The following ZNF540 variants were observed in gnomAD, a reference collection of about 807,000 sequenced individuals.
The protein encoded by ZNF540 is zinc finger protein 540.
A neutral mutation model predicts 11.8 loss-of-function variants in ZNF540; 3 were observed. The ratio of observed to expected loss-of-function variants is 0.25; its 90% CI spans 0.12 to 0.65. The LOEUF is 0.65. Ranked by LOEUF, ZNF540 falls within the 30% of genes least tolerant of loss-of-function variation. The pLI, the probability that ZNF540 is intolerant of heterozygous loss-of-function variation, is 0.83. For missense variants in ZNF540, 709 were observed against 793.1 expected (o/e 0.89, Z 1.27); for synonymous variants, 247 against 259.0 (o/e 0.95, Z 0.45).
chr19:37,582,024 C>T (rs2043487102), intron 1 of ZNF540, among the ~76,000 whole-genome samples: 1 of 152,106 alleles, frequency 6.6e-6, no homozygotes, highest in Non-Finnish European at 1.5e-5. Flanking sequence ...CATATATAAA[C>T]TCTAATCACA....
chr19:37,568,745 T>G (rs1194119688), intron 1 of ZNF540, among the ~76,000 whole-genome samples: 1 of 152,092 alleles, frequency 6.6e-6, no homozygotes, highest in Non-Finnish European at 1.5e-5. Context: ...TTATTGTCAT[T>G]AAATTAATGA....
upstream of ZNF540, among the ~76,000 whole-genome samples, chr19:37,592,478 A>G (rs542160991): frequency 1.3e-5 from 2 of 152,322 alleles, no homozygotes; most frequent in Admixed American, 6.5e-5. Context: ...TGTAATACCT[A>G]TGAGTTTTTG....
chr19:37,593,751 G>T (rs1195866720), upstream of ZNF540, among the ~76,000 whole-genome samples: 3 of 152,040 alleles, frequency 2.0e-5, no homozygotes, highest in African/African-American at 7.2e-5. Context: ...AAGGACTGCT[G>T]TATCATTGGG....
Position 37,613,943 on chromosome 19 carries a change from C to G in ZNF540, c.*680C>G. ...GCCTTTATAAGAAGAAGCCAAAGAGCCAGCTAGCTCTTTCAACCACATGAG... is the reference window on the plus strand; with the variant it reads ...GCCTTTATAAGAAGAAGCCAAAGAGGCAGCTAGCTCTTTCAACCACATGAG... On this transcript the variant is annotated 3_prime_UTR_variant, in exon 5 of 5. Transcript: ENST00000316433. 5.0e-6 allele frequency: 2 copies of G among 398,256 alleles called. No individual in the cohort carries two copies. The highest frequency in any genetic ancestry group is 8.9e-6 in the Non-Finnish European group (2 of 225,924). The allele number at this position is 398,256 out of a possible 1,614,324, so 24.7% of individuals were successfully genotyped here. A position where few individuals can be genotyped will look rare whatever the true frequency, so the allele number is the denominator to read the frequency against.
intron 1 of ZNF540, chr19:37,554,678 A>T (rs2042641233): frequency 6.6e-6 from 1 of 152,102 alleles, no homozygotes; most frequent in African/African-American, 2.4e-5. Flanking sequence ...CGCTTCTCAG[A>T]CTCACATTTA....
intron 4 of ZNF540, among the ~76,000 whole-genome samples, chr19:37,604,143 T>A (rs993763991): frequency 2.6e-5 from 4 of 152,006 alleles, no homozygotes; most frequent in Non-Finnish European, 4.4e-5. Flanking sequence ...TTTGCAAGGA[T>A]AGGTGTTTCA....
At position 37,613,097 on chromosome 19, in the gene ZNF540, C is replaced by T; in HGVS notation, c.1817C>T (p.Pro606Leu). ...CAAAGAATTCATACTGGTGAGAAACCCTATGAGTGTAAACAATGTGGGAAG... is the reference window on the plus strand; with the variant it reads ...CAAAGAATTCATACTGGTGAGAAACTCTATGAGTGTAAACAATGTGGGAAG... ...IHQRIHTGEK[P>L]YECKQCGKAF... The change falls in exon 5 of 5, where the codon CCC becomes CTC. Residue 606 changes from proline to leucine, a missense_variant. Transcript: ENST00000316433. 6.2e-7 allele frequency: 1 copy of T among 1,613,958 alleles called. No homozygotes were observed. The highest frequency in any genetic ancestry group is 2.2e-5 in the East Asian group (1 of 44,868).
At chr19:37,598,838 T>TTG (rs1190855434) in intron 2 of ZNF540, among the ~76,000 whole-genome samples, 3 of 152,116 alleles carry the variant, frequency 2.0e-5, no homozygotes, top group African/African-American at 7.2e-5. Context: ...TTGGCCTCAG[T>TTG]TTCAGTATGT....
intron 4 of ZNF540, among the ~76,000 whole-genome samples, chr19:37,605,019 A>G (rs544880606): frequency 4.1e-4 from 63 of 152,372 alleles, no homozygotes; most frequent in African/African-American, 1.5e-3. Flanking sequence ...ATTAGTTAAC[A>G]GTTTATGAAC....
intron 2 of ZNF540, 45 bp from the exon 3 acceptor site, chr19:37,599,581 C>T (rs757230182): frequency 1.9e-6 from 3 of 1,612,112 alleles, no homozygotes; most frequent in South Asian, 2.2e-5. Context: ...TTTTAAAATA[C>T]TTGTTCTGTA....
intron 4 of ZNF540, among the ~76,000 whole-genome samples, chr19:37,610,228 T>C (rs558929630): frequency 6.6e-6 from 1 of 152,364 alleles, no homozygotes; most frequent in South Asian, 2.1e-4. Context: ...GTCCTATACA[T>C]GACTTATCTG....
At chr19:37,565,865 A>AT in intron 1 of ZNF540, 1 of 1,613,930 alleles carries the variant, frequency 6.2e-7, no homozygotes, top group Non-Finnish European at 8.5e-7. Flanking sequence ...ACCAGTCTGA[A>AT]TTCTCTGATG....
At chr19:37,565,036 T>TTGAGTAAGATATGCAACACGAATA (rs753807330) in intron 1 of ZNF540, 45 of 1,613,640 alleles carry the variant, frequency 2.8e-5, no homozygotes, top group Non-Finnish European at 3.6e-5. Context: ...TTTTCTCATG[T>TTGAGTAAGATATGCAACACGAATA]TGAGTAAGAT....
At chr19:37,560,749 A>G (rs747291238) in intron 1 of ZNF540, 2 of 152,216 alleles carry the variant, frequency 1.3e-5, no homozygotes, top group African/African-American at 2.4e-5. Flanking sequence ...GAGCAACTAA[A>G]GCAGTGCTGC....
chr19:37,591,670 G>A (rs961446921), upstream of ZNF540, among the ~76,000 whole-genome samples: 2 of 152,056 alleles, frequency 1.3e-5, no homozygotes, highest in Middle Eastern at 3.4e-3. Context: ...TCAGCCTCCC[G>A]AGTAGCTGGG....
chr19:37,593,058 T>G (rs1031017293), upstream of ZNF540, among the ~76,000 whole-genome samples: 8 of 152,080 alleles, frequency 5.3e-5, no homozygotes, highest in Admixed American at 1.3e-4. Context: ...TATACAAGAT[T>G]ATGAAATAAC....
At chr19:37,603,725 C>A (rs2044058694) in intron 4 of ZNF540, among the ~76,000 whole-genome samples, 1 of 152,100 alleles carries the variant, frequency 6.6e-6, no homozygotes, top group Non-Finnish European at 1.5e-5. Context: ...AGTCATTTCA[C>A]AATGTATATA....
chr19:37,563,417 T>TATCA (rs1323573460), intron 1 of ZNF540: 2 of 152,222 alleles, frequency 1.3e-5, no homozygotes, highest in East Asian at 3.9e-4. Context: ...CCATTCAGTA[T>TATCA]ATCAGAAATG....
intron 1 of ZNF540, among the ~76,000 whole-genome samples, chr19:37,572,599 A>G (rs2043101386): frequency 6.6e-6 from 1 of 152,186 alleles, no homozygotes; most frequent in East Asian, 1.9e-4. Flanking sequence ...CTTGGAATGT[A>G]TACGCCGCAG....
Sources: gnomAD v4.1 joint callset for allele counts (sites outside exome capture counted in the v4.1 genomes callset) on GRCh38, gnomAD v4.1.1 for gene constraint, MANE v1.5 for transcripts, NCBI Gene and HGNC (gene_info 2026-07-23, HGNC 2026-07-21) for gene names.